Variants in NPFFR2 observed in about 807,000 individuals in gnomAD.
NPFFR2 encodes the protein neuropeptide FF receptor 2, also known as G-protein coupled receptor 74.
NPFFR2 carries 15 observed loss-of-function variants against 13.1 expected under a neutral mutation model. The observed-to-expected ratio is 1.15, with a 90% CI of 0.77 to 1.76. The LOEUF (loss-of-function observed/expected upper bound fraction) is 1.76. NPFFR2 is among the 40% of genes most tolerant of loss of function. The probability of loss-of-function intolerance (pLI) is 0.00; values close to 1 mark genes in which losing one functional copy is unlikely to be tolerated. For synonymous variants in NPFFR2, 190 were observed against 175.7 expected (o/e 1.08, Z -0.65); for missense variants, 572 against 503.5 (o/e 1.14, Z -1.30).
intron 1 of NPFFR2, among the ~76,000 whole-genome samples, chr4:72,098,351 A>G (rs1301775385): frequency 6.6e-6 from 1 of 152,200 alleles, no homozygotes; most frequent in Non-Finnish European, 1.5e-5. Flanking sequence ...ATAGGCCAAG[A>G]TATGCTCTAG....
chr4:72,036,497 G>C (rs1474624164), intron 1 of NPFFR2, among the ~76,000 whole-genome samples: 1 of 131,182 alleles, frequency 7.6e-6, no homozygotes, highest in Non-Finnish European at 1.5e-5. Flanking sequence ...GGTTCGGGTG[G>C]TGTGTGTGTG....
chr4:72,132,503 G>T (rs1169030348), intron 2 of NPFFR2, among the ~76,000 whole-genome samples: 2 of 152,060 alleles, frequency 1.3e-5, no homozygotes, highest in Admixed American at 1.3e-4. Context: ...TATTCCTCTG[G>T]GTATATACCT....
Position 72,127,739 on chromosome 4 carries a change from A to G in NPFFR2, c.-7-846A>G, listed in dbSNP as rs578158668. Among the ~76,000 whole-genome samples the G allele has an allele frequency of 2.0e-5, 3 of 152,142 alleles. No individual in the cohort carries two copies. In the East Asian group the frequency reaches 5.8e-4, roughly 30 times the overall value. On this transcript the variant is annotated intron_variant, in intron 1 of 3. Coordinates refer to ENST00000308744, the MANE Select transcript of NPFFR2 (RefSeq NM_004885.3). ...AAGACAAGTAACCTAGCCCTATATTAAGAGACTCACAATATGGTGGCTGTG... is the reference window on the plus strand; with the variant it reads ...AAGACAAGTAACCTAGCCCTATATTGAGAGACTCACAATATGGTGGCTGTG...
chr4:72,117,191 G>A (rs1721738836), intron 1 of NPFFR2, among the ~76,000 whole-genome samples: 5 of 152,106 alleles, frequency 3.3e-5, no homozygotes, highest in Admixed American at 2.6e-4. Context: ...CGGCAGGACT[G>A]ACAGTAAATC....
chr4:72,048,594 A>G (rs1456134835), intron 1 of NPFFR2, among the ~76,000 whole-genome samples: 1 of 152,154 alleles, frequency 6.6e-6, no homozygotes, highest in Admixed American at 6.6e-5. Context: ...AGAAACATCT[A>G]TATTAACTAT....
chr4:72,145,152 A>G (rs1304965458), intron 3 of NPFFR2, among the ~76,000 whole-genome samples: 1 of 151,486 alleles, frequency 6.6e-6, no homozygotes, highest in Non-Finnish European at 1.5e-5. Flanking sequence ...TATCTTATTC[A>G]TCTTTGCCTT....
chr4:72,129,907 G>A (rs1377935891), intron 2 of NPFFR2, among the ~76,000 whole-genome samples: 4 of 87,836 alleles, frequency 4.6e-5, no homozygotes, highest in Admixed American at 2.5e-4. Flanking sequence ...CGCAGTTTTT[G>A]TGTCCCTGGG....
chr4:72,048,020 G>T (rs4432721), intron 1 of NPFFR2, among the ~76,000 whole-genome samples: 1 of 152,048 alleles, frequency 6.6e-6, no homozygotes, highest in Non-Finnish European at 1.5e-5. Context: ...GGCTAACTTC[G>T]TATATATTAC....
At chr4:72,040,162 T>C (rs1578416201) in intron 1 of NPFFR2, among the ~76,000 whole-genome samples, 1 of 152,200 alleles carries the variant, frequency 6.6e-6, no homozygotes, top group Admixed American at 6.5e-5. Context: ...TTAAAATATT[T>C]GTATAGACAA....
chr4:72,064,753 A>G (rs938266378), intron 1 of NPFFR2, among the ~76,000 whole-genome samples: 11 of 152,140 alleles, frequency 7.2e-5, no homozygotes, highest in Admixed American at 2.0e-4. Context: ...CAGTTGGTAA[A>G]TGATAGGGAA....
At chr4:72,072,415 A>G (rs4485796) in intron 1 of NPFFR2, among the ~76,000 whole-genome samples, 135,777 of 151,558 alleles carry the variant, frequency 0.9, 61,717 homozygotes, top group Non-Finnish European at 0.98. Flanking sequence ...AGCTGACAAA[A>G]AAAATAACTG....
chr4:72,054,276 A>G (rs1439346044), intron 1 of NPFFR2, among the ~76,000 whole-genome samples: 1 of 151,922 alleles, frequency 6.6e-6, no homozygotes, highest in Admixed American at 6.6e-5. Context: ...TGTTGGTGTA[A>G]GCACGGCCAT....
intron 1 of NPFFR2, among the ~76,000 whole-genome samples, chr4:72,051,469 A>T (rs2109765461): frequency 6.6e-6 from 1 of 151,494 alleles, no homozygotes; most frequent in Non-Finnish European, 1.5e-5. Flanking sequence ...ACAACATACC[A>T]GAATCTCTGG....
At chr4:72,088,019 G>C (rs1440304332) in intron 1 of NPFFR2, among the ~76,000 whole-genome samples, 1 of 151,992 alleles carries the variant, frequency 6.6e-6, no homozygotes, top group Non-Finnish European at 1.5e-5. Flanking sequence ...TTTAGTGAGA[G>C]CCAGAACCTG....
rs758120257 is a variant in NPFFR2, at chr4:72,128,711, C to T, written c.120C>T (p.His40=). Residue 40 remains histidine, a synonymous_variant, in exon 2 of 4, where the codon CAC becomes CAT. Coordinates refer to ENST00000308744, the MANE Select transcript of NPFFR2 (RefSeq NM_004885.3). The part of the protein sequence containing the change: ...INITYVNYYL[H]QPQVAAIFII... Reference sequence around the variant, plus strand: ...TTACCTATGTGAACTACTATCTTCACCAGCCTCAAGTGGCAGCAATCTTCA... The same window carrying T: ...TTACCTATGTGAACTACTATCTTCATCAGCCTCAAGTGGCAGCAATCTTCA... The T allele has an allele frequency of 1.2e-6, 2 of 1,614,004 alleles. No individual in the cohort carries two copies. Among genetic ancestry groups the T allele is most frequent in the East Asian group, 2.2e-5 (1 of 44,884 alleles).
chr4:72,034,747 T>C (rs954000405), intron 1 of NPFFR2, among the ~76,000 whole-genome samples: 2 of 152,226 alleles, frequency 1.3e-5, no homozygotes, highest in African/African-American at 4.8e-5. Context: ...GGTTCTTAAA[T>C]GAATTTTCCA....
chr4:72,128,568 G>T lies in NPFFR2; in HGVS notation c.-7-17G>T, dbSNP rs931047970. 2.0e-6 allele frequency: 3 copies of T among 1,504,434 alleles called. No homozygotes were observed. The highest frequency in any genetic ancestry group is 4.6e-5 in the East Asian group (2 of 43,910). 93.2% of individuals were successfully genotyped at this position (1,504,434 alleles called of 1,614,324 possible). ...GTTCCTAATTATGTTTTTCTTTTCTGTCTCTTCTTTATTAAGGTTCATCAT... is the reference window on the plus strand; with the variant it reads ...GTTCCTAATTATGTTTTTCTTTTCTTTCTCTTCTTTATTAAGGTTCATCAT... On this transcript the variant is annotated splice_polypyrimidine_tract_variant and intron_variant, in intron 1 of 3. Transcript: ENST00000308744.
At position 72,101,319 on chromosome 4, in the gene NPFFR2, T is replaced by C. The variant is rs565964845; in HGVS notation, c.-7-27266T>C. On this transcript the variant is annotated intron_variant, in intron 1 of 3. Transcript: ENST00000308744. The stretch of plus-strand genomic sequence containing the variant: ...ATCCCAAGAAAAATCAAAATAAACA[T>C]ATCGATATTGAATATCAACTCTGTA... Among the ~76,000 whole-genome samples the C allele has an allele frequency of 7.2e-4, 110 of 152,028 alleles. 1 individual carries two copies. The highest frequency in any genetic ancestry group is 2.6e-3 in the African/African-American group (109 of 41,528).
At chr4:72,098,996 A>G (rs947509669) in intron 1 of NPFFR2, among the ~76,000 whole-genome samples, 1 of 152,206 alleles carries the variant, frequency 6.6e-6, no homozygotes, top group Non-Finnish European at 1.5e-5. Context: ...TGCAGCATAC[A>G]GTATTGCCTC....
Sources: allele counts gnomAD v4.1 joint callset (sites outside exome capture counted in the v4.1 genomes callset), GRCh38; gene constraint gnomAD v4.1.1; transcripts MANE v1.5; gene names NCBI Gene and HGNC (gene_info 2026-07-23, HGNC 2026-07-21).